MRE11: variants seen among roughly 807,000 people sequenced by gnomAD.
MRE11 encodes MRE11 double strand break repair nuclease.
A neutral mutation model predicts 91.7 loss-of-function variants in MRE11; 62 were observed. That is an observed-to-expected ratio of 0.68 (90% CI 0.55 to 0.84). The LOEUF is 0.84. Ranked by LOEUF, MRE11 falls within the 40% of genes least tolerant of loss-of-function variation. The pLI is 0.00. For missense variants in MRE11, 796 were observed against 852.9 expected, an observed-to-expected ratio of 0.93 and a Z score of 0.83; for synonymous variants, 273 against 271.4, an observed-to-expected ratio of 1.01 and a Z score of -0.06.
At chr11:94,450,955 A>G (rs1946084365) in intron 14 of MRE11, among the ~76,000 whole-genome samples, 1 of 152,166 alleles carries the variant, frequency 6.6e-6, no homozygotes, top group Non-Finnish European at 1.5e-5. Context: ...AAACACAAAT[A>G]TACATCATTA....
the MRE11 span, among the ~76,000 whole-genome samples, chr11:94,501,266 TA>T: frequency 3.9e-5 from 6 of 152,192 alleles, no homozygotes; most frequent in African/African-American, 1.4e-4. Context: ...GGAAATGATC[TA>T]AATCAGTGCC....
chr11:94,459,705 G>A (rs1034153589), intron 12 of MRE11, 124 bp from the exon 13 acceptor site: 3 of 1,041,016 alleles, frequency 2.9e-6, no homozygotes, highest in Non-Finnish European at 4.2e-6. Flanking sequence ...CTGTAGTTAA[G>A]CCTACTAATA....
chr11:94,503,452 G>A, the MRE11 span, among the ~76,000 whole-genome samples: 1 of 152,086 alleles, frequency 6.6e-6, no homozygotes, highest in Non-Finnish European at 1.5e-5. Flanking sequence ...CATTTTGGGA[G>A]GCCAAGGTGG....
Position 94,419,140 on chromosome 11 carries a change from C to T in MRE11, c.*985G>A. ...TGAAGATGTCTAATTCTTATTTCTC[C>T]CCGAAAACAAGTAAAAAATAGAAGC... On this transcript the variant is annotated 3_prime_UTR_variant, in exon 20 of 20. Coordinates refer to ENST00000323929, the MANE Select transcript of MRE11 (RefSeq NM_005591.4). 1 of 232,340 alleles carries T rather than the reference C, an allele frequency of 4.3e-6. No homozygotes were observed. The highest frequency in any genetic ancestry group is 8.5e-6 in the Non-Finnish European group (1 of 117,694). The allele number at this position is 232,340 out of a possible 1,614,324, so 14.4% of individuals were successfully genotyped here.
At chr11:94,444,368 A>G (rs1390429335) in intron 16 of MRE11, among the ~76,000 whole-genome samples, 2 of 151,316 alleles carry the variant, frequency 1.3e-5, no homozygotes, top group African/African-American at 4.9e-5. Flanking sequence ...TGTCCAACCC[A>G]CCTCATTTTG....
chr11:94,470,618 T>C lies in MRE11; in HGVS notation c.870A>G (p.Lys290=). 6.2e-7 allele frequency: 1 copy of C among 1,613,132 alleles called. No individual in the cohort carries two copies. The highest frequency in any genetic ancestry group is 8.5e-7 in the Non-Finnish European group (1 of 1,179,306). The part of the protein sequence containing the change: ...VKKHVGLLRI[K]GRKMNMHKIP... ...TTTTATGCATATTCATCTTCCTCCCTTTAATACGCAGCAAACCAACATGTC... is the reference window on the plus strand; with the variant it reads ...TTTTATGCATATTCATCTTCCTCCCCTTAATACGCAGCAAACCAACATGTC... Residue 290 remains lysine (K), a synonymous_variant, in exon 9 of 20, where the codon AAA becomes AAG. Coordinates refer to ENST00000323929, the MANE Select transcript of MRE11 (RefSeq NM_005591.4).
At position 94,420,176 on chromosome 11, in the gene MRE11, A is replaced by G. The variant is rs778093337; in HGVS notation, c.2076T>C (p.Asp692=). The G allele has an allele frequency of 6.9e-6, 11 of 1,584,402 alleles. No individual in the cohort carries two copies. In the South Asian group the frequency reaches 1.1e-4, roughly 16 times the overall value. ...KGVDFESSED[D]DDDPFMNTSS... is the part of the protein sequence containing the mutation. ...TAGTGTTCATAAAAGGATCATCATC[A>G]TCATCCTGAAATGAGATACAAATGT... Residue 692 remains aspartate, a synonymous_variant, in exon 20 of 20, where the codon GAT becomes GAC. Transcript: ENST00000323929.
At chr11:94,491,380 T>C (rs539040577) in intron 2 of MRE11, among the ~76,000 whole-genome samples, 9 of 152,314 alleles carry the variant, frequency 5.9e-5, no homozygotes, top group African/African-American at 2.2e-4. Context: ...GTCAATTTTA[T>C]ACTAATATGC....
intron 3 of MRE11, among the ~76,000 whole-genome samples, chr11:94,488,458 T>C (rs899224261): frequency 6.6e-6 from 1 of 152,162 alleles, no homozygotes; most frequent in African/African-American, 2.4e-5. Flanking sequence ...ACTTGGTATA[T>C]ACCCAAAGGA....
chr11:94,430,520 C>A (rs1311365171), intron 18 of MRE11, among the ~76,000 whole-genome samples: 1 of 148,488 alleles, frequency 6.7e-6, no homozygotes, highest in Non-Finnish European at 1.5e-5. Context: ...CTCGCTCTGT[C>A]ACCAGGCTGG....
intron 10 of MRE11, among the ~76,000 whole-genome samples, chr11:94,465,395 C>CTTT (rs752729940): frequency 2.3e-4 from 29 of 127,936 alleles, no homozygotes; most frequent in East Asian, 4.4e-4. Flanking sequence ...CTCTCTCTCT[C>CTTT]TTTTTTTTTT....
At position 94,471,466 on chromosome 11, in the gene MRE11, C is replaced by A. The variant is rs1310958391; in HGVS notation, c.845+108G>T. The stretch of plus-strand genomic sequence containing the variant: ...AAAAATAAAGCTATCATATAAATGA[C>A]AATACTGCCAGTTAGCGGTAACCTT... On this transcript the variant is annotated intron_variant, in intron 8 of 19. Coordinates refer to ENST00000323929, the MANE Select transcript of MRE11 (RefSeq NM_005591.4). 7.2e-6 allele frequency: 7 copies of A among 976,224 alleles called. No homozygotes were observed. In the African/African-American group the frequency reaches 9.8e-5, roughly 14 times the overall value. 60.5% of individuals were successfully genotyped at this position (976,224 alleles called of 1,614,324 possible).
chr11:94,427,459 A>G (rs531222742), intron 19 of MRE11, among the ~76,000 whole-genome samples: 1 of 152,256 alleles, frequency 6.6e-6, no homozygotes, highest in Admixed American at 6.5e-5. Flanking sequence ...AAAAGCTAGA[A>G]CCATTCTCCC....
intron 3 of MRE11, 87 bp downstream of exon 3, chr11:94,490,746 T>C: frequency 6.6e-7 from 1 of 1,512,310 alleles, no homozygotes; most frequent in Non-Finnish European, 9.2e-7. Flanking sequence ...CCTGAGCTTA[T>C]AAAACAAATC....
At position 94,443,902 on chromosome 11, in the gene MRE11, T is replaced by A. The variant is rs1159116782; in HGVS notation, c.1867+1908A>T. The stretch of plus-strand genomic sequence containing the variant: ...TTCCCAGGTTAGATATCCTAAATCC[T>A]AAGTTCCTTCAACCAATTTTTTTTT... On this transcript the variant is annotated intron_variant, in intron 16 of 19. Transcript: ENST00000323929. Among the ~76,000 whole-genome samples the A allele has an allele frequency of 2.7e-5, 4 of 150,630 alleles. No individual in the cohort carries two copies. In the East Asian group the frequency reaches 7.8e-4, roughly 29 times the overall value.
intron 16 of MRE11, among the ~76,000 whole-genome samples, chr11:94,441,402 A>G (rs2134867458): frequency 6.6e-6 from 1 of 152,296 alleles, no homozygotes; most frequent in South Asian, 2.1e-4. Context: ...AACAAACGTG[A>G]ATCTTCTCTG....
rs551003309 is a variant in MRE11 at position 94,440,609 on chromosome 11, G to A, written c.1868-3374C>T. On this transcript the variant is annotated intron_variant, in intron 16 of 19. Transcript: ENST00000323929. ...TGAGAATCCTGAAGAAAAATAGAGAGGGCTACCACAGCCCACGGCTGCCCA... is the reference window on the plus strand; with the variant it reads ...TGAGAATCCTGAAGAAAAATAGAGAAGGCTACCACAGCCCACGGCTGCCCA... Among the ~76,000 whole-genome samples the A allele has an allele frequency of 2.9e-4, 44 of 152,244 alleles. No individual in the cohort carries two copies. The South Asian group carries it at 9.1e-3, about 32-fold the overall frequency.
intron 10 of MRE11, chr11:94,466,666 A>G: frequency 3.4e-6 from 1 of 293,552 alleles, no homozygotes; most frequent in Non-Finnish European, 7.3e-6. Flanking sequence ...CTGGCTCTAC[A>G]CTGTACTCTT....
chr11:94,458,202 T>A (rs1307286302), intron 13 of MRE11, among the ~76,000 whole-genome samples: 9 of 150,752 alleles, frequency 6.0e-5, no homozygotes, highest in African/African-American at 2.2e-4. Context: ...TTTTTTTAAA[T>A]AACATTGTTT....
Sources: allele counts gnomAD v4.1 joint callset (sites outside exome capture counted in the v4.1 genomes callset), GRCh38; gene constraint gnomAD v4.1.1; transcripts MANE v1.5; gene names NCBI Gene and HGNC (gene_info 2026-07-23, HGNC 2026-07-21).